DENND1B: variants seen among roughly 807,000 people sequenced by gnomAD.
DENND1B encodes DENN domain-containing protein 1B.
In DENND1B, 59 loss-of-function variants were observed where a neutral mutation model predicts 90.1. The ratio of observed to expected loss-of-function variants is 0.65; its 90% CI spans 0.53 to 0.81. The LOEUF is 0.81. DENND1B is among the 40% of genes least tolerant of loss of function. DENND1B has a pLI of 0.00. For synonymous variants in DENND1B, 337 were observed against 324.6 expected (o/e 1.04, Z -0.41); for missense variants, 862 against 912.6 (o/e 0.94, Z 0.71).
In DENND1B at chr1:197,772,930, G is replaced by T; in HGVS notation, c.20C>A (p.Ala7Glu). The T allele has an allele frequency of 1.9e-6, 3 of 1,550,868 alleles. No individual in the cohort carries two copies. In the South Asian group the frequency reaches 3.6e-5, roughly 18 times the overall value. ...CAAGTCAAAGGTTCTGTCTGGATTT[G>T]CCCTAAAAGGAAAAAGTTTAAATTA... is the stretch of plus-strand genomic sequence containing the variant. MDCRTK[A>E]NPDRTFDLVL... The change falls in exon 2 of 23, where the codon GCA becomes GAA. Residue 7 changes from alanine (A) to glutamate (E), a missense_variant and splice_region_variant. Physicochemically the swap from Ala to Glu is moderately radical, Grantham distance 107. Transcript: ENST00000620048.
intron 3 of DENND1B, among the ~76,000 whole-genome samples, chr1:197,679,246 G>A (rs1204809807): frequency 6.6e-6 from 1 of 150,600 alleles, no homozygotes; most frequent in Non-Finnish European, 1.5e-5. Context: ...TTGATCCAAT[G>A]TCAATGAAAA....
At position 197,672,123 on chromosome 1, in the gene DENND1B, G is replaced by C; in HGVS notation, c.210C>G (p.Thr70=). The C allele has an allele frequency of 6.2e-7, 1 of 1,611,964 alleles. No individual in the cohort carries two copies. Among genetic ancestry groups the C allele is most frequent in the Non-Finnish European group, 8.5e-7 (1 of 1,178,846 alleles). Residue 70 remains threonine, a synonymous_variant, in exon 5 of 23, where the codon ACC becomes ACG. Coordinates refer to ENST00000620048, the MANE Select transcript of DENND1B (RefSeq NM_001195215.2). ...VSQNQVGQHF[T]FVLTDIESKQ... is the part of the protein sequence containing the mutation. The stretch of plus-strand genomic sequence containing the variant: ...TACTTTCAATGTCTGTCAGTACAAA[G>C]GTAAAGTGCTGTCCAACTTGATTCT...
chr1:197,542,660 T>C (rs1188445758), intron 18 of DENND1B, among the ~76,000 whole-genome samples: 1 of 152,100 alleles, frequency 6.6e-6, no homozygotes, highest in African/African-American at 2.4e-5. Context: ...CAACAGAAAT[T>C]AGGAGTTTTA....
chr1:197,745,630 A>T (rs1663658019), intron 2 of DENND1B, among the ~76,000 whole-genome samples: 1 of 146,852 alleles, frequency 6.8e-6, no homozygotes, highest in South Asian at 2.1e-4. Flanking sequence ...ATATATATAT[A>T]TATATATATA....
At chr1:197,746,844 C>T in intron 2 of DENND1B, 1 of 1,611,934 alleles carries the variant, frequency 6.2e-7, no homozygotes, top group Non-Finnish European at 8.5e-7. Flanking sequence ...TGTGAATTTT[C>T]AACCTCCTTT....
At chr1:197,638,231 A>G (rs538415941) in intron 10 of DENND1B, among the ~76,000 whole-genome samples, 1 of 152,344 alleles carries the variant, frequency 6.6e-6, no homozygotes, top group African/African-American at 2.4e-5. Flanking sequence ...TACTCATAAC[A>G]TATTGCTTGC....
chr1:197,568,052 G>A (rs1187711805), intron 15 of DENND1B, among the ~76,000 whole-genome samples: 1 of 150,838 alleles, frequency 6.6e-6, no homozygotes, highest in East Asian at 2.0e-4. Context: ...GGCAGGGAGG[G>A]AGGGAAGGAG....
chr1:197,739,643 A>G (rs1236537779), intron 2 of DENND1B, among the ~76,000 whole-genome samples: 1 of 152,238 alleles, frequency 6.6e-6, no homozygotes, highest in Non-Finnish European at 1.5e-5. Flanking sequence ...TGTGAAAGAC[A>G]ATGTTAGTTA....
At chr1:197,634,240 T>C (rs1366525288) in intron 10 of DENND1B, among the ~76,000 whole-genome samples, 2 of 152,196 alleles carry the variant, frequency 1.3e-5, no homozygotes, top group Admixed American at 1.3e-4. Flanking sequence ...CCATCCCTTG[T>C]TACCCCAATC....
chr1:197,570,607 C>T (rs1316179104), intron 15 of DENND1B, among the ~76,000 whole-genome samples: 2 of 152,014 alleles, frequency 1.3e-5, no homozygotes, highest in Admixed American at 6.6e-5. Context: ...AGGATTTTTA[C>T]CCTAATATTA....
At chr1:197,629,082 C>G (rs2125891646) in intron 10 of DENND1B, among the ~76,000 whole-genome samples, 1 of 152,264 alleles carries the variant, frequency 6.6e-6, no homozygotes, top group African/African-American at 2.4e-5. Context: ...GTTGGTGGGA[C>G]TGTAAACTAG....
intron 2 of DENND1B, among the ~76,000 whole-genome samples, chr1:197,738,885 T>C (rs1170859262): frequency 1.3e-5 from 2 of 152,222 alleles, no homozygotes; most frequent in Non-Finnish European, 2.9e-5. Context: ...GTTTCCAGGA[T>C]GTGGCACAAG....
intron 3 of DENND1B, among the ~76,000 whole-genome samples, chr1:197,695,520 T>A (rs1410836596): frequency 1.3e-5 from 2 of 150,996 alleles, no homozygotes; most frequent in African/African-American, 4.8e-5. Flanking sequence ...CATTAAGAAA[T>A]CAATTTGTTT....
At chr1:197,741,307 C>A (rs1571574764) in intron 2 of DENND1B, among the ~76,000 whole-genome samples, 1 of 152,284 alleles carries the variant, frequency 6.6e-6, no homozygotes, top group East Asian at 1.9e-4. Context: ...TCACTTCCAA[C>A]TCAACCCAAC....
At chr1:197,759,604 A>G (rs2477065) in intron 2 of DENND1B, among the ~76,000 whole-genome samples, 128,783 of 150,894 alleles carry the variant, frequency 0.85, 55,359 homozygotes, top group African/African-American at 0.96. Flanking sequence ...TTAGCTGGGC[A>G]TGGTGGTGGG....
At position 197,508,674 on chromosome 1, in the gene DENND1B, G is replaced by A. The variant is rs1412783377; in HGVS notation, c.*1786C>T. On this transcript the variant is annotated 3_prime_UTR_variant, in exon 23 of 23. Transcript: ENST00000620048. ...AAATATTTAGAATATAGTCTTATTG[G>A]GGTTCTTTAATGATTTCTTGAACAT... The A allele has an allele frequency of 6.6e-6, 1 of 151,390 alleles. No individual in the cohort carries two copies. The highest frequency in any genetic ancestry group is 1.5e-5 in the Non-Finnish European group (1 of 67,718). 9.4% of individuals were successfully genotyped at this position (151,390 alleles called of 1,614,324 possible). A position where few individuals can be genotyped will look rare whatever the true frequency, so the allele number is the denominator to read the frequency against.
intron 15 of DENND1B, among the ~76,000 whole-genome samples, chr1:197,576,576 A>G (rs1673704719): frequency 6.6e-6 from 1 of 152,242 alleles, no homozygotes; most frequent in African/African-American, 2.4e-5. Context: ...TCACTTTAAA[A>G]TAAACACTGC....
intron 14 of DENND1B, among the ~76,000 whole-genome samples, chr1:197,592,958 AAT>A (rs768263692): frequency 5.3e-5 from 8 of 152,174 alleles, no homozygotes; most frequent in Non-Finnish European, 1.2e-4. Context: ...ATACTCCTTA[AAT>A]ATGTTTTTGA....
chr1:197,707,825 T>A (rs1659745952), intron 3 of DENND1B, among the ~76,000 whole-genome samples: 1 of 147,468 alleles, frequency 6.8e-6, no homozygotes, highest in Non-Finnish European at 1.5e-5. Flanking sequence ...ACCGGGTTCA[T>A]CTCACTAGGG....
Sources: gnomAD v4.1 joint callset for allele counts (sites outside exome capture counted in the v4.1 genomes callset) on GRCh38, gnomAD v4.1.1 for gene constraint, MANE v1.5 for transcripts, NCBI Gene and HGNC (gene_info 2026-07-23, HGNC 2026-07-21) for gene names.